The following POLD3 variants were observed in gnomAD, a reference collection of about 807,000 sequenced individuals.
POLD3 encodes DNA polymerase delta 3, accessory subunit.
A neutral mutation model predicts 58.2 loss-of-function variants in POLD3; 19 were observed. The ratio of observed to expected loss-of-function variants is 0.33; its 90% CI spans 0.23 to 0.48. The LOEUF (loss-of-function observed/expected upper bound fraction) is 0.48, where lower values mean the gene tolerates loss of function less well. Ranked by LOEUF, POLD3 falls within the 20% of genes least tolerant of loss-of-function variation. POLD3 has a pLI of 0.99. For missense variants in POLD3, 504 were observed against 545.5 expected (o/e 0.92, Z 0.76); for synonymous variants, 172 against 193.5 (o/e 0.89, Z 0.92).
chr11:74,610,759 T>C (rs1333930309), intron 3 of POLD3, among the ~76,000 whole-genome samples: 2 of 152,146 alleles, frequency 1.3e-5, no homozygotes, highest in Non-Finnish European at 2.9e-5. Flanking sequence ...CACACATGTT[T>C]TCATGTGCAT....
At chr11:74,651,438 A>G (rs139852125) in intron 4 of POLD3, among the ~76,000 whole-genome samples, 1 of 152,354 alleles carries the variant, frequency 6.6e-6, no homozygotes, top group African/African-American at 2.4e-5. Flanking sequence ...AAAACTACAC[A>G]GTCATGAACA....
intron 3 of POLD3, among the ~76,000 whole-genome samples, chr11:74,608,682 C>T (rs2031780609): frequency 6.6e-6 from 1 of 152,164 alleles, no homozygotes; most frequent in Non-Finnish European, 1.5e-5. Context: ...TATATAGCCA[C>T]ACGGACCTGT....
intron 2 of POLD3, among the ~76,000 whole-genome samples, chr11:74,596,021 T>C: frequency 8.2e-6 from 1 of 122,308 alleles, no homozygotes; most frequent in South Asian, 2.7e-4. Flanking sequence ...TTAAATTTTT[T>C]TTAATCTTAT....
At chr11:74,614,635 G>A (rs890542020) in intron 5 of POLD3, among the ~76,000 whole-genome samples, 3 of 152,140 alleles carry the variant, frequency 2.0e-5, no homozygotes, top group Admixed American at 6.5e-5. Flanking sequence ...GCGTGAACAC[G>A]GAAGGCAGAG....
At chr11:74,666,608 C>T (rs1337432162) in intron 4 of POLD3, among the ~76,000 whole-genome samples, 1 of 152,132 alleles carries the variant, frequency 6.6e-6, no homozygotes, top group Non-Finnish European at 1.5e-5. Flanking sequence ...ACTTCATGTG[C>T]TCATGAATCA....
chr11:74,596,416 C>T (rs1349798812), intron 2 of POLD3, among the ~76,000 whole-genome samples: 1 of 152,030 alleles, frequency 6.6e-6, no homozygotes, highest in Non-Finnish European at 1.5e-5. Context: ...GAACTCCTGA[C>T]CTCAAGTGAT....
intron 11 of POLD3, 94 bp from the exon 12 acceptor site, chr11:74,640,470 G>C: frequency 3.5e-6 from 5 of 1,412,206 alleles, no homozygotes; most frequent in Non-Finnish European, 4.7e-6. Flanking sequence ...CTTGATCAGA[G>C]TCTGAAATGA....
At chr11:74,593,744 A>C (rs535379355) in intron 1 of POLD3, among the ~76,000 whole-genome samples, 110 of 152,148 alleles carry the variant, frequency 7.2e-4, no homozygotes, top group African/African-American at 2.5e-3. Context: ...GGTGGCCCCC[A>C]AAAAAAACAT....
intron 4 of POLD3, among the ~76,000 whole-genome samples, chr11:74,656,306 T>G (rs2135196959): frequency 6.6e-6 from 1 of 152,312 alleles, no homozygotes. Context: ...AGAAATTTTT[T>G]GGCCGGGCTC....
At chr11:74,643,557 A>T (rs902050716), downstream of POLD3, among the ~76,000 whole-genome samples, 1 of 152,184 alleles carries the variant, frequency 6.6e-6, no homozygotes, top group Non-Finnish European at 1.5e-5. Context: ...TGGAGCAAGC[A>T]GTTCTTTGAA....
At chr11:74,601,177 G>A (rs2031482623) in intron 2 of POLD3, among the ~76,000 whole-genome samples, 1 of 152,208 alleles carries the variant, frequency 6.6e-6, no homozygotes, top group Non-Finnish European at 1.5e-5. Context: ...CATTTGGCCA[G>A]CAAGCTTGCA....
chr11:74,619,994 A>T (rs1385718699), intron 6 of POLD3, 23 bp from the exon 7 acceptor site: 1 of 1,602,680 alleles, frequency 6.2e-7, no homozygotes, highest in South Asian at 1.1e-5. Flanking sequence ...GCAAAAAATC[A>T]TATGTGTTTT....
chr11:74,637,218 G>T (rs2032773865), intron 11 of POLD3, among the ~76,000 whole-genome samples: 1 of 151,938 alleles, frequency 6.6e-6, no homozygotes. Context: ...AACCTTTCCA[G>T]GTTCTTAAAA....
chr11:74,647,958 C>T (rs1315188571), downstream of POLD3, among the ~76,000 whole-genome samples: 1 of 152,236 alleles, frequency 6.6e-6, no homozygotes. Context: ...TTCTCTAATC[C>T]TCACAACACT....
intron 2 of POLD3, among the ~76,000 whole-genome samples, chr11:74,597,069 A>G (rs1235278941): frequency 6.6e-6 from 1 of 152,200 alleles, no homozygotes; most frequent in Non-Finnish European, 1.5e-5. Flanking sequence ...GTGAGTGCAA[A>G]TATCTCTGAC....
At position 74,595,918 on chromosome 11, in the gene POLD3, C is replaced by G. The variant is rs143046692; in HGVS notation, c.116+1802C>G. Among the ~76,000 whole-genome samples the G allele has an allele frequency of 9.1e-3, 1,382 of 152,238 alleles. 20 individuals carry two copies. Among genetic ancestry groups the G allele is most frequent in the African/African-American group, 0.032 (1,312 of 41,532 alleles). ...GGATTACAGACATAAGCCACCATGC[C>G]TGGCCCATGGAAGTTTTTATTGCTG... is the stretch of plus-strand genomic sequence containing the variant. On this transcript the variant is annotated intron_variant, in intron 2 of 11. Transcript: ENST00000263681.
In POLD3 at chr11:74,592,657, C is replaced by G. The variant is rs1591281808; in HGVS notation, c.-2C>G. 12 of 1,611,844 alleles carry G rather than the reference C, an allele frequency of 7.4e-6. No homozygotes were observed. In the East Asian group the frequency reaches 1.8e-4, roughly 24 times the overall value. On this transcript the variant is annotated 5_prime_UTR_variant, in exon 1 of 12. Transcript: ENST00000263681. The stretch of plus-strand genomic sequence containing the variant: ...AGAGGCGGGTCCCAGCGCTGCCGCA[C>G]CATGGCGGACCAGCTTTATCTGGAA...
chr11:74,644,482 A>T (rs966497132), downstream of POLD3, among the ~76,000 whole-genome samples: 1 of 152,222 alleles, frequency 6.6e-6, no homozygotes, highest in Non-Finnish European at 1.5e-5. Context: ...CATTGTACCC[A>T]AATGACTGCA....
rs907443420 is a variant in POLD3, at chr11:74,599,652, G to A, written c.117-5040G>A. ...GCTGGGAGTACAGGCTTGAGCCACC[G>A]TGCCTGGCCTCATACTGTTTTTTTT... On this transcript the variant is annotated intron_variant, in intron 2 of 11. Transcript: ENST00000263681. Among the ~76,000 whole-genome samples, 5 of 152,058 alleles carry A rather than the reference G, an allele frequency of 3.3e-5. No homozygotes were observed. In the East Asian group the frequency reaches 5.8e-4, roughly 18 times the overall value.
Sources: gnomAD v4.1 joint callset for allele counts (sites outside exome capture counted in the v4.1 genomes callset) on GRCh38, gnomAD v4.1.1 for gene constraint, MANE v1.5 for transcripts, NCBI Gene and HGNC (gene_info 2026-07-23, HGNC 2026-07-21) for gene names.